The following VPS53 variants were observed in gnomAD, a reference collection of about 807,000 sequenced individuals.
The protein encoded by VPS53 is VPS53 subunit of GARP complex.
Under a neutral mutation model 107.0 loss-of-function variants are expected in VPS53, and 70 were observed. That is an observed-to-expected ratio of 0.65 (90% CI 0.54 to 0.80). VPS53 has a LOEUF of 0.80. Among genes scored for constraint, VPS53 ranks in the 30% least tolerant of loss-of-function variants. The pLI is 0.00. For synonymous variants in VPS53, 409 were observed against 393.3 expected, an observed-to-expected ratio of 1.04 and a Z score of -0.47; for missense variants, 917 against 1,049.4, an observed-to-expected ratio of 0.87 and a Z score of 1.74.
intron 2 of VPS53, among the ~76,000 whole-genome samples, chr17:701,860 AG>A (rs1236183561): frequency 6.6e-6 from 1 of 152,090 alleles, no homozygotes; most frequent in Non-Finnish European, 1.5e-5. Context: ...CTGAGTGGCT[AG>A]GAACAAAAAG....
At chr17:624,504 C>G (rs1279394144) in intron 10 of VPS53, among the ~76,000 whole-genome samples, 1 of 152,132 alleles carries the variant, frequency 6.6e-6, no homozygotes, top group African/African-American at 2.4e-5. Context: ...TTAGTAAGGA[C>G]TAAGCTACCA....
intron 12 of VPS53, among the ~76,000 whole-genome samples, chr17:589,795 T>G (rs1418140403): frequency 6.6e-6 from 1 of 152,184 alleles, no homozygotes; most frequent in African/African-American, 2.4e-5. Flanking sequence ...TAGTATAGTT[T>G]GAAGTCAGGT....
Position 517,984 on chromosome 17 carries a change from T to G in VPS53, c.*1144A>C, listed in dbSNP as rs1204239665. ...GTAGACATCTGTATGTTGCCCAGGC[T>G]GGTCTCAAACTCCTGGACTCAAGTG... On this transcript the variant is annotated 3_prime_UTR_variant, in exon 22 of 22. Transcript: ENST00000437048. The G allele has an allele frequency of 6.6e-6, 1 of 152,388 alleles. No individual in the cohort carries two copies. The highest frequency in any genetic ancestry group is 1.5e-5 in the Non-Finnish European group (1 of 68,140). The allele number at this position is 152,388 out of a possible 1,614,324, so 9.4% of individuals were successfully genotyped here. A position where few individuals can be genotyped will look rare whatever the true frequency, so the allele number is the denominator to read the frequency against.
chr17:549,758 T>G (rs1911653276), intron 17 of VPS53, among the ~76,000 whole-genome samples: 1 of 152,160 alleles, frequency 6.6e-6, no homozygotes, highest in South Asian at 2.1e-4. Context: ...AAACGAATCC[T>G]CTAAGCAGAT....
At position 510,390 on chromosome 17, in the gene VPS53, A is replaced by G. The variant is rs1270488006; in HGVS notation, c.*8738T>C. ...CTCGCCCCTCACTAGTCACATATCA[A>G]ATCCTGGCTTGTCCCCTTGCTAGTC... is the stretch of plus-strand genomic sequence containing the variant. On this transcript the variant is annotated 3_prime_UTR_variant, in exon 22 of 22. Transcript: ENST00000437048. The G allele has an allele frequency of 8.4e-6, 2 of 237,414 alleles. No homozygotes were observed. The highest frequency in any genetic ancestry group is 1.7e-5 in the Non-Finnish European group (2 of 116,664). The allele number at this position is 237,414 out of a possible 1,614,324, so 14.7% of individuals were successfully genotyped here. A position where few individuals can be genotyped will look rare whatever the true frequency, so the allele number is the denominator to read the frequency against.
chr17:708,286 A>G (rs2144007836), intron 2 of VPS53, among the ~76,000 whole-genome samples: 1 of 152,310 alleles, frequency 6.6e-6, no homozygotes, highest in African/African-American at 2.4e-5. Flanking sequence ...CAAATGATTG[A>G]CAAGGTCAAG....
At chr17:649,424 T>C in intron 7 of VPS53, among the ~76,000 whole-genome samples, 2 of 92,618 alleles carry the variant, frequency 2.2e-5, no homozygotes, top group African/African-American at 4.9e-5. Flanking sequence ...GAACAGGCAA[T>C]GAAGATCTTA....
At chr17:564,790 A>G (rs1306109940) in intron 13 of VPS53, among the ~76,000 whole-genome samples, 1 of 152,006 alleles carries the variant, frequency 6.6e-6, no homozygotes, top group African/African-American at 2.4e-5. Context: ...TGGGGATGAG[A>G]GTTGCAATTT....
chr17:539,137 G>C (rs1910371015), intron 17 of VPS53: 1 of 152,186 alleles, frequency 6.6e-6, no homozygotes, highest in Non-Finnish European at 1.5e-5. Flanking sequence ...TTCCAAGCTG[G>C]CAGCTTTGTA....
intron 13 of VPS53, among the ~76,000 whole-genome samples, chr17:573,700 A>G (rs1567639187): frequency 6.6e-6 from 1 of 152,154 alleles, no homozygotes. Flanking sequence ...CACAGTGTAG[A>G]GGGGCTAGCT....
intron 12 of VPS53, among the ~76,000 whole-genome samples, chr17:587,831 T>A (rs1967400483): frequency 6.6e-6 from 1 of 152,198 alleles, no homozygotes; most frequent in Admixed American, 6.5e-5. Flanking sequence ...TACTCATATC[T>A]TATTTTTTAA....
At chr17:581,524 G>C (rs1967017114) in intron 13 of VPS53, among the ~76,000 whole-genome samples, 1 of 150,418 alleles carries the variant, frequency 6.6e-6, no homozygotes, top group African/African-American at 2.5e-5. Context: ...TGCGTTCCCA[G>C]AGAACCTCCC....
chr17:578,214 G>A (rs1223064981), intron 13 of VPS53, among the ~76,000 whole-genome samples: 2 of 151,818 alleles, frequency 1.3e-5, no homozygotes, highest in African/African-American at 4.8e-5. Context: ...CATTCCTAGA[G>A]AACATCCCTC....
rs1341262127 is a variant in VPS53 at position 524,156 on chromosome 17, G to C, written c.2086-2418C>G. Among the ~76,000 whole-genome samples, 1 of 152,038 alleles carries C rather than the reference G, an allele frequency of 6.6e-6. No individual in the cohort carries two copies. ...TCTACTAAAAATACAAAAATTAGCCGGGTGTGGTGGCGCATGCCTGTAATC... is the reference window on the plus strand; with the variant it reads ...TCTACTAAAAATACAAAAATTAGCCCGGTGTGGTGGCGCATGCCTGTAATC... On this transcript the variant is annotated intron_variant, in intron 19 of 21. Coordinates refer to ENST00000437048, the MANE Select transcript of VPS53 (RefSeq NM_001128159.3). This position sits in a 1 kb window ranked among gnomAD's most constrained non-coding sequence, Gnocchi z 4.5.
chr17:609,107 C>A (rs1157359900), intron 11 of VPS53, among the ~76,000 whole-genome samples: 1 of 152,176 alleles, frequency 6.6e-6, no homozygotes, highest in Non-Finnish European at 1.5e-5. Context: ...GCCATCACCA[C>A]CAATTCCAGA....
chr17:514,427 TA>T lies in VPS53; in HGVS notation c.*4700del. The T allele has an allele frequency of 8.3e-6, 1 of 120,192 alleles. No homozygotes were observed. Among genetic ancestry groups the T allele is most frequent in the African/African-American group, 3.9e-5 (1 of 25,546 alleles). 7.4% of individuals were successfully genotyped at this position (120,192 alleles called of 1,614,324 possible). ...GTAAGGAATCCCATTTCCAGCAGGT[TA>T]TTCTGAGTGCTCTTCCTAGCCAAGG... On this transcript the variant is annotated 3_prime_UTR_variant, in exon 22 of 22. Transcript: ENST00000437048.
intron 11 of VPS53, among the ~76,000 whole-genome samples, chr17:616,867 C>T (rs1439008374): frequency 3.9e-5 from 6 of 152,152 alleles, no homozygotes; most frequent in Admixed American, 3.3e-4. Flanking sequence ...GGGGATTTTT[C>T]CTTGGAGAGG....
rs1907953374 is a variant in VPS53 at position 511,689 on chromosome 17, G to A, written c.*7439C>T. On this transcript the variant is annotated 3_prime_UTR_variant, in exon 22 of 22. Coordinates refer to ENST00000437048, the MANE Select transcript of VPS53 (RefSeq NM_001128159.3). ...ACAGCCTGTGAGCTCAGGCTTCCCA[G>A]TTAGAACTGCCTGTCCCAAGTTAAT... 1 of 152,126 alleles carries A rather than the reference G, an allele frequency of 6.6e-6. No individual in the cohort carries two copies. The highest frequency in any genetic ancestry group is 1.5e-5 in the Non-Finnish European group (1 of 68,038). 9.4% of individuals were successfully genotyped at this position (152,126 alleles called of 1,614,324 possible).
chr17:696,071 G>A (rs906738603), intron 4 of VPS53, among the ~76,000 whole-genome samples: 1 of 152,088 alleles, frequency 6.6e-6, no homozygotes, highest in East Asian at 1.9e-4. Context: ...ACGAGGTAAC[G>A]AGGGCTAAAA....
Sources: allele counts gnomAD v4.1 joint callset (sites outside exome capture counted in the v4.1 genomes callset), GRCh38; gene constraint gnomAD v4.1.1; non-coding constraint Gnocchi (gnomAD v3.1); transcripts MANE v1.5; gene names NCBI Gene and HGNC (gene_info 2026-07-23, HGNC 2026-07-21).